The following PCDHGA5 variants were observed in gnomAD, a reference collection of about 807,000 sequenced individuals.
PCDHGA5 encodes protocadherin gamma subfamily A, 5, also known as protocadherin gamma-A5.
A neutral mutation model predicts 56.7 loss-of-function variants in PCDHGA5; 36 were observed. That is an observed-to-expected ratio of 0.64 (90% CI 0.49 to 0.84). The LOEUF is 0.84. Ranked by LOEUF, PCDHGA5 falls within the 40% of genes least tolerant of loss-of-function variation. PCDHGA5 has a pLI of 0.00. For missense variants in PCDHGA5, 1,305 were observed against 1,201.5 expected, an observed-to-expected ratio of 1.09 and a Z score of -1.27; for synonymous variants, 563 against 520.2, an observed-to-expected ratio of 1.08 and a Z score of -1.12.
chr5:141,479,616 C>A (rs1371541860), intron 1 of PCDHGA5: 2 of 152,232 alleles, frequency 1.3e-5, no homozygotes, highest in African/African-American at 4.8e-5. Flanking sequence ...TATAGGGAAA[C>A]CATGTCTCTT....
Position 141,432,587 on chromosome 5 carries a change from A to C in PCDHGA5, c.2422-62220A>C. ...CGCCTGGCTGTCCTACCGTCTGCTC[A>C]AGGCCAGCGAGCCGGGACTCTTCTC... On this transcript the variant is annotated intron_variant, in intron 1 of 3. Transcript: ENST00000518069. This position sits in a 1 kb window ranked among gnomAD's most constrained non-coding sequence, Gnocchi z 6.0. 1.9e-6 allele frequency: 3 copies of C among 1,613,250 alleles called. No individual in the cohort carries two copies. Among genetic ancestry groups the C allele is most frequent in the Non-Finnish European group, 2.5e-6 (3 of 1,179,918 alleles).
rs554661873 is a variant in PCDHGA5, at chr5:141,487,723, T to C, written c.2422-7084T>C. ...GCCTCTCAGTAAGTGCCCATAGTGATGTCACCATTTTTGTAAGAGGTAACT... is the reference window on the plus strand; with the variant it reads ...GCCTCTCAGTAAGTGCCCATAGTGACGTCACCATTTTTGTAAGAGGTAACT... On this transcript the variant is annotated intron_variant, in intron 1 of 3. Transcript: ENST00000518069. The surrounding 1 kb of genome is among the most constrained non-coding windows in gnomAD (Gnocchi z 5.0). The C allele has an allele frequency of 2.6e-5, 41 of 1,574,932 alleles. No homozygotes were observed. Among genetic ancestry groups the C allele is most frequent in the Non-Finnish European group, 5.2e-6 (6 of 1,158,382 alleles).
In PCDHGA5 at chr5:141,487,938, G is replaced by A; in HGVS notation, c.2422-6869G>A. ...GAGGCTACAGTGCACAGGGTACAGT[G>A]CACCAGGCAGTCACTTGGACAAAGG... is the stretch of plus-strand genomic sequence containing the variant. On this transcript the variant is annotated intron_variant, in intron 1 of 3. Coordinates refer to ENST00000518069, the MANE Select transcript of PCDHGA5 (RefSeq NM_018918.3). This position sits in a 1 kb window ranked among gnomAD's most constrained non-coding sequence, Gnocchi z 5.0. 1.7e-6 allele frequency: 1 copy of A among 600,308 alleles called. No homozygotes were observed. The highest frequency in any genetic ancestry group is 2.9e-6 in the Non-Finnish European group (1 of 342,970). 37.2% of individuals were successfully genotyped at this position (600,308 alleles called of 1,614,324 possible).
intron 3 of PCDHGA5, 99 bp from the exon 4 acceptor site, chr5:141,510,848 G>A: frequency 6.3e-7 from 1 of 1,596,080 alleles, no homozygotes. Flanking sequence ...TCAAGGCCCA[G>A]GGTGCTGTAT....
At chr5:141,371,574 A>G (rs1180063377) in intron 1 of PCDHGA5, 2 of 1,613,828 alleles carry the variant, frequency 1.2e-6, no homozygotes, top group East Asian at 4.5e-5. Flanking sequence ...CCCCTTTAAA[A>G]TCGTTCAAGA....
rs1452697214 is a variant in PCDHGA5, at chr5:141,476,552, G to A, written c.2422-18255G>A. ...CCAGGAAATGAAATTGGAGATTAGCGAGGCCGTGGCTCCGGGGACGCGCTT... is the reference window on the plus strand; with the variant it reads ...CCAGGAAATGAAATTGGAGATTAGCAAGGCCGTGGCTCCGGGGACGCGCTT... On this transcript the variant is annotated intron_variant, in intron 1 of 3. Transcript: ENST00000518069. The surrounding 1 kb of genome is among the most constrained non-coding windows in gnomAD (Gnocchi z 7.6). 1 of 1,614,210 alleles carries A rather than the reference G, an allele frequency of 6.2e-7. No homozygotes were observed. Among genetic ancestry groups the A allele is most frequent in the Non-Finnish European group, 8.5e-7 (1 of 1,180,032 alleles).
chr5:141,450,887 C>A (rs531604055), intron 1 of PCDHGA5, among the ~76,000 whole-genome samples: 1 of 148,582 alleles, frequency 6.7e-6, no homozygotes, highest in East Asian at 2.0e-4. Flanking sequence ...TGCAGTGGTG[C>A]GATATCGGCT....
chr5:141,366,760 T>C lies in PCDHGA5; in HGVS notation c.2421+9T>C, dbSNP rs1041895625. On this transcript the variant is annotated intron_variant, in intron 1 of 3. Transcript: ENST00000518069. The stretch of plus-strand genomic sequence containing the variant: ...AAGAACGGCGAGTTCAGGTTAGTTT[T>C]CTCTTTCGGTAAGGATGACCAGAAC... 1.9e-6 allele frequency: 3 copies of C among 1,605,346 alleles called. No individual in the cohort carries two copies. The highest frequency in any genetic ancestry group is 2.7e-5 in the African/African-American group (2 of 74,660).
chr5:141,374,395 G>A, intron 1 of PCDHGA5: 1 of 1,614,050 alleles, frequency 6.2e-7, no homozygotes, highest in South Asian at 1.1e-5. Context: ...GGTGTCTGGT[G>A]AGTTTTAACA....
intron 1 of PCDHGA5, chr5:141,367,569 TAA>T (rs1765234769): frequency 6.6e-6 from 1 of 151,200 alleles, no homozygotes; most frequent in Middle Eastern, 3.4e-3. Context: ...AATAAATAAA[TAA>T]ATATCAGAAA....
At position 141,365,872 on chromosome 5, in the gene PCDHGA5, G is replaced by A. The variant is rs1172437111; in HGVS notation, c.1542G>A (p.Leu514=). 1 of 1,614,088 alleles carries A rather than the reference G, an allele frequency of 6.2e-7. No homozygotes were observed. The highest frequency in any genetic ancestry group is 1.3e-5 in the African/African-American group (1 of 75,052). The part of the protein sequence containing the change: ...YVSINSDTGV[L]YALRSFDYEQ... Reference sequence around the variant, plus strand: ...CCATTAACTCTGACACCGGTGTCCTGTATGCTCTGAGATCCTTCGACTATG... The same window carrying A: ...CCATTAACTCTGACACCGGTGTCCTATATGCTCTGAGATCCTTCGACTATG... Residue 514 remains leucine (L), a synonymous_variant, in exon 1 of 4, where the codon CTG becomes CTA. Coordinates refer to ENST00000518069, the MANE Select transcript of PCDHGA5 (RefSeq NM_018918.3).
chr5:141,508,721 G>A (rs1266581528), intron 3 of PCDHGA5, among the ~76,000 whole-genome samples: 1 of 151,930 alleles, frequency 6.6e-6, no homozygotes, highest in Non-Finnish European at 1.5e-5. Flanking sequence ...TCTGTGTGCA[G>A]GGAGACTACA....
intron 1 of PCDHGA5, among the ~76,000 whole-genome samples, chr5:141,369,675 G>A: frequency 6.6e-6 from 1 of 152,152 alleles, no homozygotes; most frequent in East Asian, 1.9e-4. Context: ...AGAAGAAAGT[G>A]AAACATAGAA....
At chr5:141,471,963 T>C (rs2024084) in intron 1 of PCDHGA5, among the ~76,000 whole-genome samples, 27,680 of 152,068 alleles carry the variant, frequency 0.18, 3,629 homozygotes, top group African/African-American at 0.37. Context: ...GTGGGGTTGG[T>C]TGCATTACTG....
intron 1 of PCDHGA5, chr5:141,389,425 C>G (rs1464186383): frequency 6.2e-7 from 1 of 1,613,500 alleles, no homozygotes. Context: ...GTGGTGTTCG[C>G]GCAGCGCGCC....
chr5:141,433,849 A>C (rs116534867), intron 1 of PCDHGA5, among the ~76,000 whole-genome samples: 2,948 of 152,020 alleles, frequency 0.019, 43 homozygotes, highest in African/African-American at 0.028. Context: ...AAAAAAAAAA[A>C]AAAAAACTTT....
Position 141,476,642 on chromosome 5 carries a change from C to G in PCDHGA5, c.2422-18165C>G. 6.2e-7 allele frequency: 1 copy of G among 1,614,240 alleles called. No homozygotes were observed. The highest frequency in any genetic ancestry group is 8.5e-7 in the Non-Finnish European group (1 of 1,180,050). ...CTCTTTACAAACCTATGAGCTGAGC[C>G]GAAATGAATACTTTGCGCTTCGCGT... On this transcript the variant is annotated intron_variant, in intron 1 of 3. Transcript: ENST00000518069. This position sits in a 1 kb window ranked among gnomAD's most constrained non-coding sequence, Gnocchi z 7.6.
intron 1 of PCDHGA5, among the ~76,000 whole-genome samples, chr5:141,469,484 A>AGAATCGCT (rs1279677032): frequency 6.6e-6 from 1 of 152,074 alleles, no homozygotes; most frequent in African/African-American, 2.4e-5. Flanking sequence ...CTGAGGCAGG[A>AGAATCGCT]GAATCGCTTG....
Position 141,490,311 on chromosome 5 carries a change from C to T in PCDHGA5, c.2422-4496C>T. 6.2e-7 allele frequency: 1 copy of T among 1,614,200 alleles called. No individual in the cohort carries two copies. The highest frequency in any genetic ancestry group is 8.5e-7 in the Non-Finnish European group (1 of 1,180,018). On this transcript the variant is annotated intron_variant, in intron 1 of 3. Coordinates refer to ENST00000518069, the MANE Select transcript of PCDHGA5 (RefSeq NM_018918.3). This position sits in a 1 kb window ranked among gnomAD's most constrained non-coding sequence, Gnocchi z 5.4. ...AGGTGCTATTGGCCTCTTTGGCCAA[C>T]CCTGTCCTAGAGAGCACACCAGTGG...
Sources: gnomAD v4.1 joint callset for allele counts (sites outside exome capture counted in the v4.1 genomes callset) on GRCh38, gnomAD v4.1.1 for gene constraint, Gnocchi (gnomAD v3.1) non-coding constraint, MANE v1.5 for transcripts, NCBI Gene and HGNC (gene_info 2026-07-23, HGNC 2026-07-21) for gene names.